Variants in PARD3B observed in about 807,000 individuals in gnomAD.
PARD3B encodes the protein par-3 family cell polarity regulator beta.
A neutral mutation model predicts 130.2 loss-of-function variants in PARD3B; 103 were observed. The ratio of observed to expected loss-of-function variants is 0.79; its 90% CI spans 0.67 to 0.93. The LOEUF (loss-of-function observed/expected upper bound fraction) is 0.93, where lower values mean the gene tolerates loss of function less well. Among genes scored for constraint, PARD3B ranks in the 40% least tolerant of loss-of-function variants. PARD3B has a pLI of 0.00. For missense variants in PARD3B, 1,609 were observed against 1,499.2 expected (o/e 1.07, Z -1.21); for synonymous variants, 583 against 553.2 (o/e 1.05, Z -0.76).
intron 21 of PARD3B, among the ~76,000 whole-genome samples, chr2:205,539,205 C>A (rs566585040): frequency 6.6e-6 from 1 of 152,148 alleles, no homozygotes; most frequent in Non-Finnish European, 1.5e-5. Context: ...CCCTCCCTGC[C>A]GTGTCATTCT....
At chr2:205,387,118 A>G (rs76692052) in intron 18 of PARD3B, among the ~76,000 whole-genome samples, 371 of 152,324 alleles carry the variant, frequency 2.4e-3, no homozygotes, top group African/African-American at 8.3e-3. Flanking sequence ...TACATAGACC[A>G]TAGTTCTATA....
At chr2:205,435,477 G>T (rs2047480808) in intron 19 of PARD3B, among the ~76,000 whole-genome samples, 1 of 151,674 alleles carries the variant, frequency 6.6e-6, no homozygotes, top group South Asian at 2.1e-4. Context: ...ACATAAATTT[G>T]GTCAACTTAT....
chr2:205,462,414 G>A (rs2048481906), intron 20 of PARD3B, among the ~76,000 whole-genome samples: 1 of 152,080 alleles, frequency 6.6e-6, no homozygotes, highest in African/African-American at 2.4e-5. Flanking sequence ...TGCATTCTTA[G>A]TCTAAACCAG....
intron 20 of PARD3B, among the ~76,000 whole-genome samples, chr2:205,447,444 C>A (rs917540752): frequency 2.0e-5 from 3 of 152,240 alleles, no homozygotes; most frequent in Non-Finnish European, 4.4e-5. Context: ...ATGGCACGAT[C>A]TTGGCTCACT....
intron 18 of PARD3B, among the ~76,000 whole-genome samples, chr2:205,336,504 G>A (rs185068094): frequency 7.9e-5 from 12 of 152,136 alleles, no homozygotes; most frequent in Non-Finnish European, 1.8e-4. Context: ...ACCACTTAAG[G>A]TAATAACTTG....
chr2:204,949,160 G>A (rs1689565193), intron 2 of PARD3B, among the ~76,000 whole-genome samples: 1 of 152,144 alleles, frequency 6.6e-6, no homozygotes, highest in African/African-American at 2.4e-5. Flanking sequence ...CTATGGAAAT[G>A]GGACTTATTT....
chr2:204,620,470 G>A (rs113018416), intron 1 of PARD3B, among the ~76,000 whole-genome samples: 9 of 152,294 alleles, frequency 5.9e-5, no homozygotes, highest in East Asian at 1.9e-4. Flanking sequence ...AAAGTAAGTC[G>A]CAGCACTGTA....
At chr2:204,873,400 C>T (rs2045711477) in intron 2 of PARD3B, among the ~76,000 whole-genome samples, 2 of 152,154 alleles carry the variant, frequency 1.3e-5, no homozygotes, top group Non-Finnish European at 2.9e-5. Context: ...GAGATTTAGA[C>T]TCGGTTGTCT....
chr2:204,886,105 A>T (rs2046263110), intron 2 of PARD3B, among the ~76,000 whole-genome samples: 1 of 152,284 alleles, frequency 6.6e-6, no homozygotes, highest in Non-Finnish European at 1.5e-5. Flanking sequence ...AACATGTTCA[A>T]TTTTGTTTAC....
chr2:204,580,269 C>T (rs2125079868), intron 1 of PARD3B, among the ~76,000 whole-genome samples: 1 of 152,264 alleles, frequency 6.6e-6, no homozygotes, highest in Middle Eastern at 3.4e-3. Flanking sequence ...GTTCCATCCT[C>T]CGTCCTGGAC....
At chr2:205,549,962 A>G (rs73060151) in intron 21 of PARD3B, among the ~76,000 whole-genome samples, 1 of 152,242 alleles carries the variant, frequency 6.6e-6, no homozygotes, top group Admixed American at 6.5e-5. Context: ...TCTTTTTAAA[A>G]ATTGCAGTGG....
intron 1 of PARD3B, among the ~76,000 whole-genome samples, chr2:204,588,895 C>A (rs1180912937): frequency 6.6e-6 from 1 of 152,038 alleles, no homozygotes; most frequent in South Asian, 2.1e-4. Flanking sequence ...ATCTACAAAT[C>A]CTCTTTTCCT....
intron 20 of PARD3B, among the ~76,000 whole-genome samples, chr2:205,454,598 C>T (rs1456040986): frequency 6.6e-6 from 1 of 152,024 alleles, no homozygotes; most frequent in Non-Finnish European, 1.5e-5. Flanking sequence ...CAAACTTGGC[C>T]GTTACTCAGC....
chr2:205,268,376 C>CT lies in PARD3B; in HGVS notation c.2185+22560dup, dbSNP rs1364195667. On this transcript the variant is annotated intron_variant, in intron 16 of 22. Transcript: ENST00000406610. This position sits in a 1 kb window ranked among gnomAD's most constrained non-coding sequence, Gnocchi z 4.1. Reference sequence around the variant, plus strand: ...AGCATCAACTTGGAAATCAAATTGACTTTTTTCTTAACACTGAACAAAAGA... The same window carrying CT: ...AGCATCAACTTGGAAATCAAATTGACTTTTTTTCTTAACACTGAACAAAAGA... Among the ~76,000 whole-genome samples, 1 of 152,148 alleles carries CT rather than the reference C, an allele frequency of 6.6e-6. No homozygotes were observed. Among genetic ancestry groups the CT allele is most frequent in the Non-Finnish European group, 1.5e-5 (1 of 68,022 alleles).
chr2:204,814,492 T>A (rs1342520049), intron 2 of PARD3B, among the ~76,000 whole-genome samples: 1 of 151,912 alleles, frequency 6.6e-6, no homozygotes, highest in Admixed American at 6.6e-5. Flanking sequence ...TCTATATAGA[T>A]TCCCTGGTCC....
At chr2:204,658,577 G>A (rs1391060134) in intron 1 of PARD3B, among the ~76,000 whole-genome samples, 1 of 152,018 alleles carries the variant, frequency 6.6e-6, no homozygotes, top group Non-Finnish European at 1.5e-5. Flanking sequence ...AGGAATGACC[G>A]AAGGCAAAAA....
chr2:205,058,834 G>A (rs1699892654), intron 4 of PARD3B, among the ~76,000 whole-genome samples: 1 of 151,718 alleles, frequency 6.6e-6, no homozygotes, highest in African/African-American at 2.4e-5. Context: ...ATATATGCTG[G>A]ATATTAACTC....
At chr2:204,734,297 C>T (rs2125346944) in intron 2 of PARD3B, among the ~76,000 whole-genome samples, 1 of 152,252 alleles carries the variant, frequency 6.6e-6, no homozygotes, top group South Asian at 2.1e-4. Flanking sequence ...GCAGCTTGAA[C>T]TCTCATACAT....
chr2:204,590,792 T>G (rs916376794), intron 1 of PARD3B, among the ~76,000 whole-genome samples: 1 of 152,236 alleles, frequency 6.6e-6, no homozygotes, highest in African/African-American at 2.4e-5. Flanking sequence ...AAAGAATTAG[T>G]CAAAATATCT....
Sources: allele counts gnomAD v4.1 joint callset (sites outside exome capture counted in the v4.1 genomes callset), GRCh38; gene constraint gnomAD v4.1.1; non-coding constraint Gnocchi (gnomAD v3.1); transcripts MANE v1.5; gene names NCBI Gene and HGNC (gene_info 2026-07-23, HGNC 2026-07-21).